CRB2: variants seen among roughly 807,000 people sequenced by gnomAD.
The protein encoded by CRB2 is crumbs cell polarity complex component 2.
In CRB2, 85 loss-of-function variants were observed where a neutral mutation model predicts 110.9. The ratio of observed to expected loss-of-function variants is 0.77; its 90% CI spans 0.64 to 0.92. CRB2 has a LOEUF of 0.92. CRB2 is among the 40% of genes least tolerant of loss of function. The pLI is 0.00. For synonymous variants in CRB2, 907 were observed against 831.0 expected (o/e 1.09, Z -1.57); for missense variants, 1,843 against 1,851.3 (o/e 1.00, Z 0.08).
At chr9:123,364,319 C>CGGGCAGTGGGTTGTGT (rs1304799477) in intron 2 of CRB2, among the ~76,000 whole-genome samples, 1 of 149,870 alleles carries the variant, frequency 6.7e-6, no homozygotes, top group Non-Finnish European at 1.5e-5. Context: ...GTGGGTTGTT[C>CGGGCAGTGGGTTGTGT]GGGCAGTGGG....
intron 2 of CRB2, among the ~76,000 whole-genome samples, chr9:123,365,039 A>T (rs1025885347): frequency 6.6e-6 from 1 of 152,158 alleles, no homozygotes; most frequent in African/African-American, 2.4e-5. Flanking sequence ...AGGTGGGTGG[A>T]TCACTTGAGG....
upstream of CRB2, among the ~76,000 whole-genome samples, chr9:123,355,410 G>A (rs1255996122): frequency 6.6e-6 from 1 of 151,974 alleles, no homozygotes; most frequent in African/African-American, 2.4e-5. Context: ...AAACAGCAGA[G>A]CCAGAGATCA....
In CRB2 at chr9:123,370,094, T is replaced by G; in HGVS notation, c.1055-14T>G. 1.3e-6 allele frequency: 2 copies of G among 1,566,622 alleles called. No homozygotes were observed. Among genetic ancestry groups the G allele is most frequent in the Non-Finnish European group, 1.7e-6 (2 of 1,154,752 alleles). On this transcript the variant is annotated splice_polypyrimidine_tract_variant and intron_variant, in intron 6 of 12. Transcript: ENST00000373631. ...CCCAGACATTACTGAACCTTGGCTTTGTCTCTCCCAAAGGGCCGACATGTG... is the reference window on the plus strand; with the variant it reads ...CCCAGACATTACTGAACCTTGGCTTGGTCTCTCCCAAAGGGCCGACATGTG...
In CRB2 at chr9:123,370,628, G is replaced by T; in HGVS notation, c.1575G>T (p.Val525=). ...GCCATTGGCACCAGGTGGAGGTTGT[G>T]CTCCATCTAGCGACCCTGGAGCTAC... is the stretch of plus-strand genomic sequence containing the variant. ...NDGHWHQVEV[V]LHLATLELRL... Residue 525 remains valine (V), a synonymous_variant, in exon 7 of 13, where the codon GTG becomes GTT. Transcript: ENST00000373631. 1 of 1,610,976 alleles carries T rather than the reference G, an allele frequency of 6.2e-7. No homozygotes were observed. The highest frequency in any genetic ancestry group is 1.1e-5 in the South Asian group (1 of 91,082).
intron 6 of CRB2, chr9:123,368,710 G>C (rs537191541): frequency 3.0e-6 from 3 of 1,014,670 alleles, no homozygotes; most frequent in Non-Finnish European, 3.6e-6. Flanking sequence ...CCCAGCTGCA[G>C]GGCTGGGCTC....
intron 9 of CRB2, 138 bp downstream of exon 9, chr9:123,372,480 G>A (rs770943193): frequency 1.0e-4 from 113 of 1,080,286 alleles, no homozygotes; most frequent in Non-Finnish European, 1.3e-4. Flanking sequence ...CGGGGCCACC[G>A]CATGTAGAGG....
Position 123,378,500 on chromosome 9 carries a change from T to G in CRB2, c.*1438T>G, listed in dbSNP as rs2042140795. 6.6e-6 allele frequency: 1 copy of G among 152,400 alleles called. No homozygotes were observed. The highest frequency in any genetic ancestry group is 2.4e-5 in the African/African-American group (1 of 41,580). The allele number at this position is 152,400 out of a possible 1,614,324, so 9.4% of individuals were successfully genotyped here. Reference sequence around the variant, plus strand: ...GGAGCCACGTGACAACGTGGGGGACTGGGACATGGGACTGGGAAGTCAGCA... The same window carrying G: ...GGAGCCACGTGACAACGTGGGGGACGGGGACATGGGACTGGGAAGTCAGCA... On this transcript the variant is annotated 3_prime_UTR_variant, in exon 13 of 13. Transcript: ENST00000373631.
intron 6 of CRB2, 81 bp from the exon 7 acceptor site, chr9:123,370,027 A>G (rs2132771097): frequency 1.4e-6 from 2 of 1,478,566 alleles, no homozygotes; most frequent in Non-Finnish European, 1.8e-6. Context: ...GGTCCCCATC[A>G]TAAGAGGCAT....
chr9:123,366,304 C>A lies in CRB2; in HGVS notation c.692C>A (p.Pro231His). 5 of 1,528,618 alleles carry A rather than the reference C, an allele frequency of 3.3e-6. No homozygotes were observed. Among genetic ancestry groups the A allele is most frequent in the Non-Finnish European group, 3.5e-6 (4 of 1,150,834 alleles). The allele number at this position is 1,528,618 out of a possible 1,614,324, so 94.7% of individuals were successfully genotyped here. A position where few individuals can be genotyped will look rare whatever the true frequency, so the allele number is the denominator to read the frequency against. The change falls in exon 4 of 13, where the codon CCC becomes CAC. Residue 231 changes from proline (P) to histidine (H), a missense_variant. Transcript: ENST00000373631. The part of the protein sequence containing the change: ...EREVLECASA[P>H]CEHNASCLEG... ...GAGGTGCTGGAGTGCGCATCGGCGC[C>A]CTGCGAGCACAACGCGTCCTGCCTC... is the stretch of plus-strand genomic sequence containing the variant.
At chr9:123,362,730 C>G in intron 1 of CRB2, 135 bp from the exon 2 acceptor site, 1 of 808,638 alleles carries the variant, frequency 1.2e-6, no homozygotes, top group Non-Finnish European at 1.9e-6. Flanking sequence ...CTTGCAGACC[C>G]CTGGCCCTCT....
intron 12 of CRB2, among the ~76,000 whole-genome samples, 198 bp from the exon 13 acceptor site, chr9:123,376,640 G>A (rs555597605): frequency 2.0e-4 from 30 of 152,256 alleles, no homozygotes; most frequent in African/African-American, 5.8e-4. Context: ...AGGCCTCCCC[G>A]AGCAGTGGCT....
In CRB2 at chr9:123,373,601, C is replaced by G. The variant is rs776236730; in HGVS notation, c.3070C>G (p.Leu1024Val). Residue 1024 changes from leucine to valine, a missense_variant, in exon 10 of 13, where the codon CTG becomes GTG. By Grantham distance (32) the Leu-to-Val change is conservative. Transcript: ENST00000373631. ...CCGCGTGGCGCTGGGCGGCCTGCCC[C>G]TGCCCTTGGCGCGGCCCCGGCCCGG... ...LGRVALGGLP[L>V]PLARPRPGAA... 2 of 1,391,236 alleles carry G rather than the reference C, an allele frequency of 1.4e-6. No individual in the cohort carries two copies. The highest frequency in any genetic ancestry group is 3.0e-5 in the African/African-American group (2 of 66,136). 86.2% of individuals were successfully genotyped at this position (1,391,236 alleles called of 1,614,324 possible). A position where few individuals can be genotyped will look rare whatever the true frequency, so the allele number is the denominator to read the frequency against.
rs199500173 is a variant in CRB2, at chr9:123,370,471, C to G, written c.1418C>G (p.Thr473Ser). The change falls in exon 7 of 13, where the codon ACC (threonine) becomes AGC (serine). Residue 473 changes from threonine to serine, a missense_variant. Physicochemically the swap from Thr to Ser is moderately conservative, Grantham distance 58. Transcript: ENST00000373631. Reference protein sequence around the residue: ...LRFRTTLPAGTLATRNDTKES... With the variant: ...LRFRTTLPAGSLATRNDTKES... ...TTTCGCACCACACTGCCCGCTGGGA[C>G]CTTGGCCACTCGCAATGACACCAAG... 3 of 1,613,500 alleles carry G rather than the reference C, an allele frequency of 1.9e-6. No individual in the cohort carries two copies. The highest frequency in any genetic ancestry group is 2.5e-6 in the Non-Finnish European group (3 of 1,180,038).
chr9:123,362,402 C>T (rs1188586555), intron 1 of CRB2, among the ~76,000 whole-genome samples: 1 of 152,176 alleles, frequency 6.6e-6, no homozygotes, highest in Non-Finnish European at 1.5e-5. Flanking sequence ...CTGAAATAAT[C>T]CAGATAGACC....
Position 123,370,969 on chromosome 9 carries a change from C to G in CRB2, c.1916C>G (p.Thr639Arg). 6.2e-7 allele frequency: 1 copy of G among 1,604,600 alleles called. No homozygotes were observed. The highest frequency in any genetic ancestry group is 8.5e-7 in the Non-Finnish European group (1 of 1,173,906). ...CDCARPHRGPTCADEIPAATF... is the reference protein window; with the variant it reads ...CDCARPHRGPRCADEIPAATF... ...TGTGCCCGGCCCCATAGAGGTCCCA[C>G]GTGCGCTGATGGTGAGGAATAAGCC... The change falls in exon 7 of 13, where the codon ACG (threonine) becomes AGG (arginine). Residue 639 changes from threonine to arginine, a missense_variant. By Grantham distance (71) the Thr-to-Arg change is moderately conservative. Coordinates refer to ENST00000373631, the MANE Select transcript of CRB2 (RefSeq NM_173689.7).
chr9:123,363,597 T>C (rs1351840676), intron 2 of CRB2, among the ~76,000 whole-genome samples: 1 of 152,052 alleles, frequency 6.6e-6, no homozygotes, highest in Non-Finnish European at 1.5e-5. Context: ...TACACGACAG[T>C]CACCATCAGC....
chr9:123,373,326 G>A lies in CRB2; in HGVS notation c.2795G>A (p.Gly932Asp). 3 of 1,447,102 alleles carry A rather than the reference G, an allele frequency of 2.1e-6. No homozygotes were observed. Among genetic ancestry groups the A allele is most frequent in the Non-Finnish European group, 2.7e-6 (3 of 1,109,040 alleles). 89.6% of individuals were successfully genotyped at this position (1,447,102 alleles called of 1,614,324 possible). The change falls in exon 10 of 13, where the codon GGC becomes GAC. Residue 932 changes from glycine (G) to aspartate (D), a missense_variant. Transcript: ENST00000373631. ...LAVRNGSLAG[G>D]VRGGHGLPGA... ...GTGCGCAATGGCTCGCTGGCGGGGG[G>A]CGTGCGCGGAGGCCATGGCCTGCCC... is the stretch of plus-strand genomic sequence containing the variant.
chr9:123,368,921 C>G, intron 6 of CRB2: 1 of 1,254,796 alleles, frequency 8.0e-7, no homozygotes, highest in Non-Finnish European at 1.0e-6. Context: ...TGTGGACCTT[C>G]CTGGGCCACC....
At chr9:123,379,131 AG>A (rs2042160358), downstream of CRB2, among the ~76,000 whole-genome samples, 1 of 2,868 alleles carries the variant, frequency 3.5e-4, no homozygotes, top group Admixed American at 3.7e-3. Flanking sequence ...TCAGCCTGTC[AG>A]TCAGTCAGTC....
Sources: allele counts gnomAD v4.1 joint callset (sites outside exome capture counted in the v4.1 genomes callset), GRCh38; gene constraint gnomAD v4.1.1; transcripts MANE v1.5; gene names NCBI Gene and HGNC (gene_info 2026-07-23, HGNC 2026-07-21).